Variants in ACOXL observed in about 807,000 individuals in gnomAD.
ACOXL encodes the protein acyl-coenzyme A oxidase-like protein.
In ACOXL, 70 loss-of-function variants were observed where a neutral mutation model predicts 71.9. The ratio of observed to expected loss-of-function variants is 0.97; its 90% confidence interval spans 0.80 to 1.19. The LOEUF is 1.19. ACOXL is among the 50% of genes most tolerant of loss of function. ACOXL has a pLI of 0.00. For missense variants in ACOXL, 703 were observed against 736.3 expected (o/e 0.95, Z 0.52); for synonymous variants, 253 against 281.6 (o/e 0.90, Z 1.02).
Position 110,996,009 on chromosome 2 carries a change from A to G in ACOXL, c.1281+5A>G. 1 of 1,581,034 alleles carries G rather than the reference A, an allele frequency of 6.3e-7. No homozygotes were observed. On this transcript the variant is annotated splice_donor_5th_base_variant and intron_variant, in intron 14 of 17. Coordinates refer to ENST00000439055, the MANE Select transcript of ACOXL (RefSeq NM_001142807.4). ...GTGGCCAGAATTTATTATAAGGTAA[A>G]GATACACTGTGTTATATTTTTCCTT...
intron 12 of ACOXL, among the ~76,000 whole-genome samples, chr2:110,958,041 C>T (rs1165062764): frequency 7.6e-6 from 1 of 131,868 alleles, no homozygotes; most frequent in African/African-American, 2.8e-5. Context: ...CAGAGTGAGA[C>T]TCCGTCTCAA....
At chr2:111,047,254 CATAGTG>C (rs1340087599) in intron 15 of ACOXL, among the ~76,000 whole-genome samples, 1 of 152,076 alleles carries the variant, frequency 6.6e-6, no homozygotes, top group Non-Finnish European at 1.5e-5. Flanking sequence ...CGAAAAGTAT[CATAGTG>C]GAGTCCAGTG....
chr2:110,977,582 T>C (rs911909222), intron 12 of ACOXL, among the ~76,000 whole-genome samples: 7 of 152,094 alleles, frequency 4.6e-5, no homozygotes, highest in African/African-American at 1.7e-4. Flanking sequence ...CAAGTTCTGT[T>C]TTTCTCTTTC....
chr2:110,841,673 CT>C (rs1691195810), intron 10 of ACOXL, among the ~76,000 whole-genome samples: 1 of 152,160 alleles, frequency 6.6e-6, no homozygotes, highest in South Asian at 2.1e-4. Context: ...CACAGAAGCA[CT>C]ATCTGGGTAA....
At chr2:110,740,808 A>G (rs540361308) in intron 1 of ACOXL, among the ~76,000 whole-genome samples, 3 of 152,298 alleles carry the variant, frequency 2.0e-5, no homozygotes, top group Admixed American at 2.0e-4. Context: ...TTTGGAAGCT[A>G]CAGTCTAATG....
chr2:110,800,287 G>C lies in ACOXL; in HGVS notation c.547+1187G>C, dbSNP rs574190209. On this transcript the variant is annotated intron_variant, in intron 7 of 17. Transcript: ENST00000439055. ...TCCAGACACAGTGAGGGAAGGATTT[G>C]TTCTAGGACTGTGTCTTTGGCCTGT... is the stretch of plus-strand genomic sequence containing the variant. 5.3e-5 allele frequency among the ~76,000 whole-genome samples: 8 copies of C among 152,196 alleles called. 1 individual carries two copies.
intron 1 of ACOXL, among the ~76,000 whole-genome samples, chr2:110,741,095 G>A (rs1340722606): frequency 6.6e-6 from 1 of 152,166 alleles, no homozygotes; most frequent in Admixed American, 6.5e-5. Flanking sequence ...GGGATGTGGA[G>A]TGGCTTGGAG....
intron 16 of ACOXL, among the ~76,000 whole-genome samples, chr2:111,065,278 T>C (rs2067011106): frequency 6.6e-6 from 1 of 152,244 alleles, no homozygotes; most frequent in African/African-American, 2.4e-5. Flanking sequence ...CAGATGGTTC[T>C]GGAATACTTG....
intron 2 of ACOXL, among the ~76,000 whole-genome samples, chr2:110,778,159 A>T (rs1376373333): frequency 6.6e-6 from 1 of 152,176 alleles, no homozygotes; most frequent in Non-Finnish European, 1.5e-5. Flanking sequence ...ACGGGGGCCA[A>T]CTTGGCTCTT....
At chr2:110,981,840 G>A (rs756787441) in intron 12 of ACOXL, among the ~76,000 whole-genome samples, 22 of 152,102 alleles carry the variant, frequency 1.4e-4, no homozygotes, top group Non-Finnish European at 2.6e-4. Context: ...AGGGACGGCT[G>A]TATCTTATTT....
chr2:110,985,586 A>G (rs1394297215), intron 12 of ACOXL, among the ~76,000 whole-genome samples: 2 of 152,192 alleles, frequency 1.3e-5, no homozygotes, highest in Non-Finnish European at 2.9e-5. Flanking sequence ...GCCCAGGCTT[A>G]TGGTCCAGTC....
intron 16 of ACOXL, among the ~76,000 whole-genome samples, chr2:111,067,088 A>T (rs2067110878): frequency 6.6e-6 from 1 of 152,156 alleles, no homozygotes; most frequent in Non-Finnish European, 1.5e-5. Flanking sequence ...ACAAAAATGG[A>T]TCATATATTA....
intron 17 of ACOXL, among the ~76,000 whole-genome samples, chr2:111,113,501 C>A (rs550215466): frequency 6.6e-6 from 1 of 152,322 alleles, no homozygotes; most frequent in East Asian, 1.9e-4. Context: ...TCAAAGACAG[C>A]TAAGTAGCTC....
At chr2:111,033,801 G>C (rs1437041967) in intron 15 of ACOXL, among the ~76,000 whole-genome samples, 2 of 152,136 alleles carry the variant, frequency 1.3e-5, no homozygotes, top group Non-Finnish European at 1.5e-5. Flanking sequence ...CTCAGGGGTG[G>C]TGTGGCCCTG....
At chr2:110,867,443 C>A (rs1573908348) in intron 10 of ACOXL, among the ~76,000 whole-genome samples, 1 of 152,224 alleles carries the variant, frequency 6.6e-6, no homozygotes, top group Admixed American at 6.5e-5. Flanking sequence ...AGAACTTGTT[C>A]TCTTCCAGAC....
intron 7 of ACOXL, among the ~76,000 whole-genome samples, chr2:110,800,175 C>T (rs1342068524): frequency 1.3e-5 from 2 of 152,192 alleles, no homozygotes; most frequent in Non-Finnish European, 2.9e-5. Flanking sequence ...GTCTGTGCCA[C>T]CTTTAAGAGC....
chr2:110,958,506 C>T (rs562589947), intron 12 of ACOXL, among the ~76,000 whole-genome samples: 3 of 152,196 alleles, frequency 2.0e-5, no homozygotes, highest in Admixed American at 1.3e-4. Context: ...GGCTTCCATT[C>T]AGTTGGCAGC....
intron 10 of ACOXL, among the ~76,000 whole-genome samples, chr2:110,880,081 G>T (rs1258265919): frequency 6.6e-6 from 1 of 151,084 alleles, no homozygotes; most frequent in South Asian, 2.1e-4. Context: ...GGGAGGTGGA[G>T]GTTGCAGTGA....
At chr2:110,927,929 A>C (rs2060338175) in intron 11 of ACOXL, among the ~76,000 whole-genome samples, 1 of 152,224 alleles carries the variant, frequency 6.6e-6, no homozygotes. Flanking sequence ...CTTTGGAATC[A>C]TCTAGTGGGA....
Sources: gnomAD v4.1 joint callset for allele counts (sites outside exome capture counted in the v4.1 genomes callset) on GRCh38, gnomAD v4.1.1 for gene constraint, MANE v1.5 for transcripts, NCBI Gene and HGNC (gene_info 2026-07-23, HGNC 2026-07-21) for gene names.